Variants in CRIPTO observed in about 807,000 individuals in gnomAD.
CRIPTO encodes the protein cripto, EGF-CFC family member, also known as protein Cripto.
chr3:46,579,621 A>G, the CRIPTO span: 2 of 1,292,808 alleles, frequency 1.5e-6, no homozygotes, highest in Non-Finnish European at 2.2e-6. Context: ...TTCTCTGCTC[A>G]AAGGCACAGA....
chr3:46,581,069 G>A, the CRIPTO span: 1 of 1,229,002 alleles, frequency 8.1e-7, no homozygotes, highest in South Asian at 1.2e-5. Flanking sequence ...TGCCACATTT[G>A]TGGGCAGCAG....
At chr3:46,578,051 G>A in the CRIPTO span, 1 of 1,596,846 alleles carries the variant, frequency 6.3e-7, no homozygotes, top group Non-Finnish European at 8.6e-7. Context: ...GCTAGAGATT[G>A]CCAGCTTAGG....
the CRIPTO span, among the ~76,000 whole-genome samples, chr3:46,580,367 G>A: frequency 6.6e-6 from 1 of 152,180 alleles, no homozygotes; most frequent in South Asian, 2.1e-4. Context: ...GTTAAACCAA[G>A]AGATGTTCTC....
the CRIPTO span, chr3:46,581,351 T>C: frequency 3.2e-6 from 3 of 942,764 alleles, no homozygotes; most frequent in South Asian, 2.6e-5. Context: ...AGATGATCAT[T>C]TGTAGTTGCC....
the CRIPTO span, chr3:46,581,533 G>A: frequency 7.6e-5 from 45 of 591,166 alleles, no homozygotes; most frequent in Non-Finnish European, 1.1e-4. Flanking sequence ...TTTTTGAGAC[G>A]GAGTCTCACT....
At chr3:46,575,175 G>A in the CRIPTO span, among the ~76,000 whole-genome samples, 1 of 152,180 alleles carries the variant, frequency 6.6e-6, no homozygotes, top group South Asian at 2.1e-4. Context: ...CCCCCACCTG[G>A]AGGCAGCAAC....
At chr3:46,579,644 T>TA in the CRIPTO span, 6 of 1,354,060 alleles carry the variant, frequency 4.4e-6, no homozygotes, top group East Asian at 1.4e-4. Flanking sequence ...CTTACTCTGA[T>TA]ACAACACATT....
chr3:46,582,078 G>C, the CRIPTO span: 1 of 152,174 alleles, frequency 6.6e-6, no homozygotes, highest in Non-Finnish European at 1.5e-5. Context: ...AAATAGAAGA[G>C]AGAGGTTGAA....
chr3:46,577,937 T>C, the CRIPTO span: 1 of 1,613,132 alleles, frequency 6.2e-7, no homozygotes, highest in Non-Finnish European at 8.5e-7. Context: ...AAAGCGATGC[T>C]AACGCCTCTT....
chr3:46,575,410 AC>A, the CRIPTO span, among the ~76,000 whole-genome samples: 9 of 148,512 alleles, frequency 6.1e-5, no homozygotes, highest in Middle Eastern at 0.014. Flanking sequence ...CCTTCTCCCC[AC>A]CCCCCATCCC....
At chr3:46,582,323 T>C in the CRIPTO span, 1 of 152,254 alleles carries the variant, frequency 6.6e-6, no homozygotes, top group Admixed American at 6.5e-5. Flanking sequence ...TTCAATTCTT[T>C]TAACTGTTGT....
the CRIPTO span, among the ~76,000 whole-genome samples, chr3:46,576,480 CAAAAAA>C: frequency 9.8e-3 from 539 of 55,004 alleles, 6 homozygotes; most frequent in Admixed American, 0.016. Context: ...GACTCTGTCG[CAAAAAA>C]AAAAAAAAAA....
chr3:46,576,958 G>A, the CRIPTO span, among the ~76,000 whole-genome samples: 1 of 152,062 alleles, frequency 6.6e-6, no homozygotes, highest in African/African-American at 2.4e-5. Context: ...GACGGCGAGG[G>A]GCTGGAAGAG....
chr3:46,580,945 C>CCAATCAGAATCTAACCAGGTTGTGCT, the CRIPTO span, among the ~76,000 whole-genome samples: 1 of 151,882 alleles, frequency 6.6e-6, no homozygotes, highest in Non-Finnish European at 1.5e-5. Flanking sequence ...AACATGGGGC[C>CCAATCAGAATCTAACCAGGTTGTGCT]CAATCAGAAT....
the CRIPTO span, among the ~76,000 whole-genome samples, chr3:46,574,994 G>T: frequency 6.6e-6 from 1 of 152,336 alleles, no homozygotes; most frequent in South Asian, 2.1e-4. Flanking sequence ...TTTTGTAAGG[G>T]ATGAGATGGG....
At chr3:46,576,258 A>T in the CRIPTO span, among the ~76,000 whole-genome samples, 105 of 152,218 alleles carry the variant, frequency 6.9e-4, 2 homozygotes, top group South Asian at 4.2e-3. Context: ...TCATGAGGTC[A>T]GGAATTTGAG....
chr3:46,576,060 G>A, the CRIPTO span, among the ~76,000 whole-genome samples: 105 of 152,278 alleles, frequency 6.9e-4, no homozygotes, highest in Middle Eastern at 3.4e-3. Context: ...GAGGCGAAGC[G>A]CAGCAGGAAT....
the CRIPTO span, among the ~76,000 whole-genome samples, chr3:46,578,839 A>G: frequency 6.6e-6 from 1 of 152,226 alleles, no homozygotes; most frequent in Non-Finnish European, 1.5e-5. Context: ...ACATATACCT[A>G]CTTAAAATTA....
At chr3:46,576,336 C>T in the CRIPTO span, among the ~76,000 whole-genome samples, 3 of 151,682 alleles carry the variant, frequency 2.0e-5, no homozygotes, top group Non-Finnish European at 3.0e-5. Flanking sequence ...GGCGTTGTGG[C>T]GGGCGCCTGT....
Sources: gnomAD v4.1 joint callset for allele counts (sites outside exome capture counted in the v4.1 genomes callset) on GRCh38, gnomAD v4.1.1 for gene constraint, MANE v1.5 for transcripts, NCBI Gene and HGNC (gene_info 2026-07-23, HGNC 2026-07-21) for gene names.